Variants in AVEN observed in about 807,000 individuals in gnomAD.
The protein encoded by AVEN is cell death regulator Aven.
A neutral mutation model predicts 38.1 loss-of-function variants in AVEN; 41 were observed. The ratio of observed to expected loss-of-function variants is 1.08; its 90% CI spans 0.84 to 1.40. The LOEUF (loss-of-function observed/expected upper bound fraction) is 1.40. Ranked by LOEUF, AVEN falls within the 40% of genes most tolerant of loss-of-function variation. AVEN has a pLI of 0.00. For synonymous variants in AVEN, 206 were observed against 171.8 expected, an observed-to-expected ratio of 1.20 and a Z score of -1.56; for missense variants, 605 against 438.8, an observed-to-expected ratio of 1.38 and a Z score of -3.38.
chr15:34,074,710 C>A (rs533323948), exon 1 of AVEN, among the ~76,000 whole-genome samples: 1 of 152,262 alleles, frequency 6.6e-6, no homozygotes, highest in East Asian at 1.9e-4. Context: ...ACCTTTATTA[C>A]CTCCTAAAGA....
intron 2 of AVEN, among the ~76,000 whole-genome samples, chr15:33,928,349 T>C (rs776271003): frequency 2.0e-4 from 31 of 152,068 alleles, no homozygotes; most frequent in Non-Finnish European, 4.1e-4. Context: ...ATTCCTAAAT[T>C]TGACAACAGA....
chr15:33,975,823 G>A (rs892782498), intron 2 of AVEN, among the ~76,000 whole-genome samples: 2 of 152,144 alleles, frequency 1.3e-5, no homozygotes, highest in African/African-American at 2.4e-5. Context: ...CCAGCTACTC[G>A]GGAGGCTGAG....
downstream of AVEN, among the ~76,000 whole-genome samples, chr15:33,862,961 T>A (rs1044335063): frequency 8.5e-5 from 13 of 152,200 alleles, no homozygotes; most frequent in African/African-American, 3.1e-4. Flanking sequence ...GTGCCCTTCC[T>A]CATGAGTATT....
chr15:33,924,317 C>A (rs1597236558), intron 2 of AVEN, among the ~76,000 whole-genome samples: 1 of 151,006 alleles, frequency 6.6e-6, no homozygotes, highest in East Asian at 2.0e-4. Context: ...TTGCAGTGAG[C>A]CGAGATCATG....
At chr15:33,902,659 C>A (rs564849546) in intron 2 of AVEN, among the ~76,000 whole-genome samples, 1 of 151,974 alleles carries the variant, frequency 6.6e-6, no homozygotes, top group African/African-American at 2.4e-5. Flanking sequence ...CGTAGAAAAC[C>A]CCAAAGATTC....
intron 2 of AVEN, among the ~76,000 whole-genome samples, chr15:33,899,549 A>C (rs766167103): frequency 3.7e-5 from 5 of 133,410 alleles, no homozygotes; most frequent in African/African-American, 1.2e-4. Flanking sequence ...AGCTCACCGC[A>C]ACCTCCGCCT....
intron 2 of AVEN, among the ~76,000 whole-genome samples, chr15:33,918,771 T>C (rs1893269001): frequency 6.6e-6 from 1 of 152,090 alleles, no homozygotes. Context: ...ATCCTTTTTG[T>C]AATTAAACTT....
At chr15:33,854,749 C>T (rs1474450891), downstream of AVEN, 1 of 1,587,662 alleles carries the variant, frequency 6.3e-7, no homozygotes, top group South Asian at 1.2e-5. Flanking sequence ...TAAAAGTCTG[C>T]TTTCTTCCAT....
At chr15:34,068,497 G>A (rs185814215) in intron 2 of AVEN, among the ~76,000 whole-genome samples, 2 of 152,098 alleles carry the variant, frequency 1.3e-5, no homozygotes, top group African/African-American at 4.8e-5. Flanking sequence ...AGGAACCACC[G>A]CGTCTGACCT....
rs545937176 is a variant in AVEN at position 33,990,269 on chromosome 15, C to T, written c.445+12763G>A. On this transcript the variant is annotated intron_variant, in intron 2 of 5. Transcript: ENST00000306730. The stretch of plus-strand genomic sequence containing the variant: ...TTGAGGTGCGTGCCTATAGTCCCAG[C>T]TACTCAGGAGGCTAAGGCAGGAGAA... Among the ~76,000 whole-genome samples the T allele has an allele frequency of 7.2e-5, 11 of 152,080 alleles. No individual in the cohort carries two copies. The South Asian group carries it at 2.3e-3, about 32-fold the overall frequency.
At position 34,063,220 on chromosome 15, in the gene AVEN, G is replaced by C. The variant is rs1409014295; in HGVS notation, n.1339C>G. On this transcript the variant is annotated non_coding_transcript_exon_variant, in exon 5 of 12. Transcript: ENST00000675287. This position sits in a 1 kb window ranked among gnomAD's most constrained non-coding sequence, Gnocchi z 4.1. ...ATCCTCTGGGCCCCAGCAATCCTCT[G>C]CTGGCAGTACTTGGTTGGGAAGCGG... is the stretch of plus-strand genomic sequence containing the variant. The C allele has an allele frequency of 6.2e-7, 1 of 1,614,058 alleles. No individual in the cohort carries two copies. Among genetic ancestry groups the C allele is most frequent in the African/African-American group, 1.3e-5 (1 of 74,922 alleles).
At chr15:33,931,063 AC>A (rs1339980886) in intron 2 of AVEN, among the ~76,000 whole-genome samples, 3 of 151,378 alleles carry the variant, frequency 2.0e-5, no homozygotes, top group Non-Finnish European at 4.4e-5. Flanking sequence ...ATTTTTACAC[AC>A]CCCTTAGAAT....
intron 2 of AVEN, among the ~76,000 whole-genome samples, chr15:33,964,387 A>C (rs1445026087): frequency 6.6e-6 from 1 of 152,190 alleles, no homozygotes; most frequent in Non-Finnish European, 1.5e-5. Context: ...AGATGAGTGA[A>C]AAAAGTGGGT....
chr15:33,886,045 G>C (rs74655142), intron 2 of AVEN, among the ~76,000 whole-genome samples: 4,987 of 152,268 alleles, frequency 0.033, 162 homozygotes, highest in Non-Finnish European at 0.039. Flanking sequence ...TAAGATCTTA[G>C]AACTGATCTG....
chr15:34,062,778 C>T (rs757707285), intron 5 of AVEN: 1 of 1,614,122 alleles, frequency 6.2e-7, no homozygotes, highest in Non-Finnish European at 8.5e-7. Flanking sequence ...AAATCACCAG[C>T]CTTTGGAACG....
intron 5 of AVEN, among the ~76,000 whole-genome samples, chr15:34,057,221 C>T (rs1460637090): frequency 1.3e-5 from 2 of 151,202 alleles, no homozygotes; most frequent in Non-Finnish European, 2.9e-5. Context: ...GCAGCAACCT[C>T]GGCTTCCCAG....
chr15:33,954,090 A>G (rs527386870), intron 2 of AVEN, among the ~76,000 whole-genome samples: 1 of 152,338 alleles, frequency 6.6e-6, no homozygotes, highest in East Asian at 1.9e-4. Flanking sequence ...TGCAAATCAA[A>G]ACCACAATGA....
At chr15:33,871,774 C>CAAAAAAAAAAAAAAAAAAAAAAAA (rs55793582) in intron 3 of AVEN, among the ~76,000 whole-genome samples, 6 of 91,598 alleles carry the variant, frequency 6.6e-5, no homozygotes, top group Admixed American at 1.2e-4. Context: ...CTAGTCTCCT[C>CAAAAAAAAAAAAAAAAAAAAAAAA]AAAAAAAAAA....
At position 34,069,283 on chromosome 15, in the gene AVEN, G is replaced by A. The variant is rs897321456; in HGVS notation, n.784+1305C>T. On this transcript the variant is annotated intron_variant and non_coding_transcript_variant, in intron 2 of 11. Coordinates refer to the AVEN transcript ENST00000675287. ...AAAAATACAAAAATTAGCCAGGCAT[G>A]GTGGTGCGTGCCTGTAATCCCAGCT... 7.2e-5 allele frequency among the ~76,000 whole-genome samples: 11 copies of A among 152,196 alleles called. No individual in the cohort carries two copies. In the South Asian group the frequency reaches 1.0e-3, roughly 14 times the overall value.
Sources: allele counts gnomAD v4.1 joint callset (sites outside exome capture counted in the v4.1 genomes callset), GRCh38; gene constraint gnomAD v4.1.1; non-coding constraint Gnocchi (gnomAD v3.1); transcripts MANE v1.5; gene names NCBI Gene and HGNC (gene_info 2026-07-23, HGNC 2026-07-21).